REPS2: variants seen among roughly 807,000 people sequenced by gnomAD.
REPS2 encodes ralBP1-associated Eps domain-containing protein 2.
In REPS2, 23 loss-of-function variants were observed where a neutral mutation model predicts 53.6. That is an observed-to-expected ratio of 0.43 (90% CI 0.31 to 0.61). REPS2 has a LOEUF of 0.61. Ranked by LOEUF, REPS2 falls within the 20% of genes least tolerant of loss-of-function variation. REPS2 has a pLI of 0.11. For missense variants in REPS2, 446 were observed against 534.9 expected (o/e 0.83, Z 1.64); for synonymous variants, 238 against 218.6 (o/e 1.09, Z -0.78).
intron 1 of REPS2, among the ~76,000 whole-genome samples, chrX:16,975,709 A>G (rs1257448713): frequency 2.7e-5 from 3 of 112,014 alleles, no homozygotes; most frequent in Admixed American, 9.5e-5. Flanking sequence ...AGAGTGATCA[A>G]TACTGTGAAG....
At chrX:17,019,603 C>T (rs1228795859) in intron 2 of REPS2, among the ~76,000 whole-genome samples, 2 of 111,354 alleles carry the variant, frequency 1.8e-5, no homozygotes, top group Non-Finnish European at 3.8e-5. Flanking sequence ...ACGGGAGGAT[C>T]GCTTGAGCTC....
At chrX:17,057,769 A>G (rs991820325) in intron 8 of REPS2, among the ~76,000 whole-genome samples, 1 of 111,423 alleles carries the variant, frequency 9.0e-6, no homozygotes, top group African/African-American at 3.3e-5. Flanking sequence ...ATCAGGGCAA[A>G]GAAGCACTGG....
At chrX:16,970,282 C>T (rs1344390939) in intron 1 of REPS2, among the ~76,000 whole-genome samples, 1 of 109,569 alleles carries the variant, frequency 9.1e-6, no homozygotes, top group African/African-American at 3.3e-5. Flanking sequence ...CTGCAACCTC[C>T]GCCCCCTGGG....
At chrX:17,140,708 A>G (rs1371457761) in intron 17 of REPS2, among the ~76,000 whole-genome samples, 3 of 106,750 alleles carry the variant, frequency 2.8e-5, no homozygotes, top group African/African-American at 6.7e-5. Context: ...TTATGATGTA[A>G]AATGTTTATA....
At chrX:16,967,620 C>T (rs926214372) in intron 1 of REPS2, among the ~76,000 whole-genome samples, 1 of 110,713 alleles carries the variant, frequency 9.0e-6, no homozygotes, top group African/African-American at 3.3e-5. Context: ...GACGTGATCA[C>T]ACCATTGTGC....
intron 2 of REPS2, among the ~76,000 whole-genome samples, chrX:17,013,136 C>T (rs760637654): frequency 3.5e-4 from 39 of 112,129 alleles, no homozygotes; most frequent in African/African-American, 1.0e-3. Flanking sequence ...GGCATCTAGC[C>T]GGTAGAGGCC....
intron 14 of REPS2, 118 bp downstream of exon 14, chrX:17,103,897 AC>A: frequency 1.5e-6 from 1 of 659,508 alleles, no homozygotes; most frequent in Admixed American, 2.5e-5. Flanking sequence ...CCAAGCTGAT[AC>A]CCTGTGAAGA....
chrX:17,008,682 T>C (rs1315164105), intron 2 of REPS2, among the ~76,000 whole-genome samples: 1 of 111,819 alleles, frequency 8.9e-6, no homozygotes, highest in Non-Finnish European at 1.9e-5. Flanking sequence ...CCACTTAGAA[T>C]TTTCCAGTTT....
intron 5 of REPS2, among the ~76,000 whole-genome samples, chrX:17,036,682 A>G (rs767256847): frequency 3.6e-5 from 4 of 111,791 alleles, no homozygotes; most frequent in African/African-American, 1.3e-4. Flanking sequence ...GGTAGAGATT[A>G]GGGCTAAAAA....
At chrX:16,972,868 A>G (rs1222924418) in intron 1 of REPS2, among the ~76,000 whole-genome samples, 2 of 111,568 alleles carry the variant, frequency 1.8e-5, no homozygotes, top group African/African-American at 6.5e-5. Context: ...CATTTTATAT[A>G]AAGGATCAAG....
intron 1 of REPS2, among the ~76,000 whole-genome samples, chrX:17,004,210 A>G (rs192504240): frequency 5.9e-4 from 66 of 110,994 alleles, no homozygotes; most frequent in Non-Finnish European, 9.8e-4. Context: ...TTTTGAGGAA[A>G]GCCCAGTGAT....
At chrX:17,144,098 CTT>C (rs1197556098) in intron 17 of REPS2, among the ~76,000 whole-genome samples, 1 of 112,697 alleles carries the variant, frequency 8.9e-6, no homozygotes, top group Non-Finnish European at 1.9e-5. Flanking sequence ...GCTCTTTCCT[CTT>C]GGTCTGGTTG....
chrX:17,047,855 C>G (rs990846517), intron 6 of REPS2, among the ~76,000 whole-genome samples: 8 of 112,790 alleles, frequency 7.1e-5, no homozygotes, highest in African/African-American at 2.6e-4. Context: ...TGTCACAAGT[C>G]TTTTTATGTT....
At chrX:17,090,060 ATCCTAC>A (rs1459026309) in intron 13 of REPS2, among the ~76,000 whole-genome samples, 1 of 112,214 alleles carries the variant, frequency 8.9e-6, no homozygotes, top group East Asian at 2.8e-4. Flanking sequence ...CTTTTTGATT[ATCCTAC>A]ATCCTAGTGT....
intron 1 of REPS2, among the ~76,000 whole-genome samples, chrX:16,955,366 C>T (rs924383967): frequency 9.0e-6 from 1 of 111,400 alleles, no homozygotes; most frequent in Non-Finnish European, 1.9e-5. Flanking sequence ...CATTAGTTAT[C>T]TATTGCTCTA....
At chrX:17,043,511 C>A (rs950028739) in intron 5 of REPS2, among the ~76,000 whole-genome samples, 5 of 109,291 alleles carry the variant, frequency 4.6e-5, no homozygotes, top group Admixed American at 9.7e-5. Flanking sequence ...CTTGCCCCCC[C>A]CCCCGGCTTT....
At chrX:17,094,796 A>G (rs1293347030) in intron 13 of REPS2, among the ~76,000 whole-genome samples, 1 of 110,015 alleles carries the variant, frequency 9.1e-6, no homozygotes, top group Non-Finnish European at 1.9e-5. Flanking sequence ...TTCATCTGTC[A>G]CTCTCTACCC....
chrX:16,990,445 A>G (rs2061148722), intron 1 of REPS2, among the ~76,000 whole-genome samples: 1 of 110,270 alleles, frequency 9.1e-6, no homozygotes, highest in African/African-American at 3.3e-5. Flanking sequence ...CCCTGTTTTT[A>G]CTAAAAATAC....
chrX:17,063,953 G>C (rs868160649), intron 9 of REPS2, among the ~76,000 whole-genome samples: 1 of 94,473 alleles, frequency 1.1e-5, no homozygotes, highest in Non-Finnish European at 2.2e-5. Context: ...CACACACACA[G>C]TCTCTCTCGC....
Sources: gnomAD v4.1 joint callset for allele counts (sites outside exome capture counted in the v4.1 genomes callset) on GRCh38, gnomAD v4.1.1 for gene constraint, MANE v1.5 for transcripts, NCBI Gene and HGNC (gene_info 2026-07-23, HGNC 2026-07-21) for gene names.